Variants in PRDM5 observed in about 807,000 individuals in gnomAD.
PRDM5 encodes PR/SET domain 5, also known as PR domain zinc finger protein 5.
PRDM5 carries 56 observed loss-of-function variants against 81.2 expected under a neutral mutation model. The ratio of observed to expected loss-of-function variants is 0.69; its 90% CI spans 0.56 to 0.86. PRDM5 has a LOEUF of 0.86. Among genes scored for constraint, PRDM5 ranks in the 40% least tolerant of loss-of-function variants. The probability of loss-of-function intolerance (pLI) is 0.00; values close to 1 mark genes in which losing one functional copy is unlikely to be tolerated. For synonymous variants in PRDM5, 267 were observed against 256.4 expected, an observed-to-expected ratio of 1.04 and a Z score of -0.39; for missense variants, 697 against 770.1, an observed-to-expected ratio of 0.91 and a Z score of 1.12.
At chr4:120,701,827 GA>G (rs1031263301) in intron 15 of PRDM5, among the ~76,000 whole-genome samples, 2 of 147,846 alleles carry the variant, frequency 1.4e-5, no homozygotes, top group South Asian at 2.1e-4. Context: ...AATAGAAATT[GA>G]AAAAAAAATG....
At chr4:120,720,832 T>C (rs1323424647) in intron 14 of PRDM5, among the ~76,000 whole-genome samples, 1 of 152,230 alleles carries the variant, frequency 6.6e-6, no homozygotes, top group East Asian at 1.9e-4. Flanking sequence ...GGTTTCTATA[T>C]AACACATCCA....
intron 13 of PRDM5, among the ~76,000 whole-genome samples, chr4:120,768,476 C>A (rs879330744): frequency 1.3e-5 from 2 of 152,080 alleles, no homozygotes; most frequent in Non-Finnish European, 2.9e-5. Context: ...GTCTGATCTG[C>A]CCTGTCCTTC....
At chr4:120,727,316 T>TGC (rs1052966248) in intron 14 of PRDM5, among the ~76,000 whole-genome samples, 2 of 151,698 alleles carry the variant, frequency 1.3e-5, no homozygotes, top group African/African-American at 4.8e-5. Flanking sequence ...TGTGTGTGTG[T>TGC]GTGTGTATGA....
chr4:120,835,927 G>A (rs1206740491), intron 3 of PRDM5, among the ~76,000 whole-genome samples: 2 of 152,138 alleles, frequency 1.3e-5, no homozygotes, highest in Non-Finnish European at 2.9e-5. Context: ...CTTGGAGTCT[G>A]AGAGTAAAAG....
intron 1 of PRDM5, among the ~76,000 whole-genome samples, chr4:120,912,820 GAATC>G (rs1481835946): frequency 6.6e-6 from 1 of 152,130 alleles, no homozygotes; most frequent in African/African-American, 2.4e-5. Flanking sequence ...ACATTAAAGT[GAATC>G]AATCTGCAGT....
intron 8 of PRDM5, among the ~76,000 whole-genome samples, chr4:120,807,417 T>C (rs1753149875): frequency 6.6e-6 from 1 of 152,226 alleles, no homozygotes; most frequent in Admixed American, 6.5e-5. Flanking sequence ...CACACGTATG[T>C]TTATTGCAAC....
At chr4:120,728,876 T>A (rs1739836140) in intron 14 of PRDM5, among the ~76,000 whole-genome samples, 1 of 151,980 alleles carries the variant, frequency 6.6e-6, no homozygotes, top group Non-Finnish European at 1.5e-5. Flanking sequence ...TCCAAATGTG[T>A]GATAAAGAAA....
rs2149226872 is a variant in PRDM5, at chr4:120,777,225, G to T, written c.1500C>A (p.Ser500Arg). Reference protein sequence around the residue: ...ICPYCGQKFASSGTLRVHIRS... With the variant: ...ICPYCGQKFARSGTLRVHIRS... ...GGATATGAACTCTGAGTGTACCACT[G>T]CTGGCAAATTTCTGGCCACAATATG... Residue 500 changes from serine (S) to arginine (R), a missense_variant, in exon 13 of 16, where the codon AGC (serine) becomes AGA (arginine). Transcript: ENST00000264808. The T allele has an allele frequency of 1.2e-6, 2 of 1,613,410 alleles. No homozygotes were observed. The highest frequency in any genetic ancestry group is 1.7e-6 in the Non-Finnish European group (2 of 1,179,544).
At chr4:120,864,180 T>C (rs1355108364) in intron 2 of PRDM5, among the ~76,000 whole-genome samples, 1 of 152,178 alleles carries the variant, frequency 6.6e-6, no homozygotes, top group Non-Finnish European at 1.5e-5. Context: ...CTGTGCATGA[T>C]GAATTGTGTA....
At chr4:120,705,023 T>C (rs989409937) in intron 15 of PRDM5, among the ~76,000 whole-genome samples, 9 of 152,144 alleles carry the variant, frequency 5.9e-5, no homozygotes, top group South Asian at 4.1e-4. Flanking sequence ...AGTGGACGTA[T>C]GTTTTGTAAG....
intron 3 of PRDM5, among the ~76,000 whole-genome samples, chr4:120,825,618 A>G (rs896196296): frequency 2.0e-5 from 3 of 152,174 alleles, no homozygotes; most frequent in African/African-American, 7.2e-5. Flanking sequence ...ACTATCTATG[A>G]CCTGGATTAG....
At chr4:120,916,145 T>C (rs1724130187) in intron 1 of PRDM5, among the ~76,000 whole-genome samples, 1 of 152,090 alleles carries the variant, frequency 6.6e-6, no homozygotes, top group South Asian at 2.1e-4. Flanking sequence ...TCCCAGCACT[T>C]TGGGAGGCCG....
At chr4:120,764,377 C>A (rs1746076692) in intron 13 of PRDM5, among the ~76,000 whole-genome samples, 1 of 152,152 alleles carries the variant, frequency 6.6e-6, no homozygotes, top group Non-Finnish European at 1.5e-5. Context: ...TCTCACTTTT[C>A]ACTCTGTGCC....
intron 3 of PRDM5, among the ~76,000 whole-genome samples, chr4:120,836,527 T>A (rs114419452): frequency 6.6e-6 from 1 of 152,192 alleles, no homozygotes; most frequent in Non-Finnish European, 1.5e-5. Flanking sequence ...ATTTCTCCTG[T>A]AAGACTTACA....
intron 3 of PRDM5, among the ~76,000 whole-genome samples, chr4:120,846,182 G>A (rs1195548618): frequency 1.3e-5 from 2 of 152,192 alleles, no homozygotes; most frequent in East Asian, 1.9e-4. Flanking sequence ...TTTCAAATAT[G>A]ACATAAACTT....
chr4:120,779,459 CA>C (rs1462973621), intron 12 of PRDM5, among the ~76,000 whole-genome samples: 1 of 151,826 alleles, frequency 6.6e-6, no homozygotes, highest in Admixed American at 6.6e-5. Flanking sequence ...TAAATTCATG[CA>C]AAAAGTAATT....
chr4:120,849,776 AT>A (rs1759055527), intron 3 of PRDM5, among the ~76,000 whole-genome samples: 1 of 152,090 alleles, frequency 6.6e-6, no homozygotes, highest in Admixed American at 6.6e-5. Context: ...CTACATATAC[AT>A]TTTTTTCCTT....
chr4:120,910,065 T>C (rs898108670), intron 1 of PRDM5, among the ~76,000 whole-genome samples: 8 of 30,170 alleles, frequency 2.7e-4, no homozygotes, highest in East Asian at 1.3e-3. Context: ...TTATTTCATA[T>C]GCTTTAAAAA....
intron 14 of PRDM5, among the ~76,000 whole-genome samples, chr4:120,744,374 G>C (rs1321076921): frequency 2.0e-5 from 3 of 152,170 alleles, no homozygotes; most frequent in Admixed American, 6.5e-5. Context: ...AAAAGAACTA[G>C]AAAAGCAAGA....
Sources: allele counts gnomAD v4.1 joint callset (sites outside exome capture counted in the v4.1 genomes callset), GRCh38; gene constraint gnomAD v4.1.1; transcripts MANE v1.5; gene names NCBI Gene and HGNC (gene_info 2026-07-23, HGNC 2026-07-21).